Variants in NRG1 observed in about 807,000 individuals in gnomAD.
NRG1 encodes the protein neuregulin 1.
NRG1 carries 18 observed loss-of-function variants against 63.8 expected under a neutral mutation model. That is an observed-to-expected ratio of 0.28 (90% CI 0.19 to 0.42). NRG1 has a LOEUF of 0.42. NRG1 is among the 10% of genes least tolerant of loss of function. The probability of loss-of-function intolerance (pLI) is 1.00; values close to 1 mark genes in which losing one functional copy is unlikely to be tolerated. For missense variants in NRG1, 762 were observed against 814.7 expected, an observed-to-expected ratio of 0.94 and a Z score of 0.79; for synonymous variants, 302 against 301.3, an observed-to-expected ratio of 1.00 and a Z score of -0.02.
chr8:31,907,738 A>C (rs1832645021), intron 1 of NRG1, among the ~76,000 whole-genome samples: 1 of 152,134 alleles, frequency 6.6e-6, no homozygotes, highest in African/African-American at 2.4e-5. Flanking sequence ...GTGATACGAA[A>C]ATTATTAAAC....
rs1180619276 is a variant in NRG1 at position 32,534,616 on chromosome 8, TTGGCTTTTATTGGCTATTTA to T, written c.38-61197_38-61178del. ...CCACAGAACGGTGATGTTGAAATAC[TTGGCTTTTATTGGCTATTTA>T]TGGCTTTTATTGGCATATTAATGTC... is the stretch of plus-strand genomic sequence containing the variant. On this transcript the variant is annotated intron_variant, in intron 1 of 10. Transcript: ENST00000519301. Among the ~76,000 whole-genome samples, 3 of 152,158 alleles carry T rather than the reference TTGGCTTTTATTGGCTATTTA, an allele frequency of 2.0e-5. No homozygotes were observed. The East Asian group carries it at 5.8e-4, about 29-fold the overall frequency.
chr8:32,115,778 CAGAT>C (rs972380450), intron 1 of NRG1, among the ~76,000 whole-genome samples: 7 of 152,212 alleles, frequency 4.6e-5, no homozygotes, highest in South Asian at 2.1e-4. Flanking sequence ...GCTGAGAAAA[CAGAT>C]AGAGAAGGCA....
intron 1 of NRG1, among the ~76,000 whole-genome samples, chr8:31,859,966 C>T (rs903516572): frequency 6.6e-6 from 1 of 152,180 alleles, no homozygotes; most frequent in Non-Finnish European, 1.5e-5. Flanking sequence ...AGAAACAACC[C>T]CCTCTAGCAA....
chr8:31,803,587 T>A (rs1461376588), intron 1 of NRG1, among the ~76,000 whole-genome samples: 3 of 152,230 alleles, frequency 2.0e-5, no homozygotes, highest in Non-Finnish European at 1.5e-5. Context: ...ATGCCTTGAA[T>A]GTAAATAATC....
chr8:32,063,372 C>T (rs1824198636), intron 1 of NRG1: 1 of 152,096 alleles, frequency 6.6e-6, no homozygotes, highest in Admixed American at 6.6e-5. Context: ...AATTATTTGT[C>T]TGACCAATGC....
chr8:32,666,332 G>A (rs1483263522), intron 5 of NRG1, among the ~76,000 whole-genome samples: 1 of 152,120 alleles, frequency 6.6e-6, no homozygotes, highest in African/African-American at 2.4e-5. Flanking sequence ...GCCCTATGAG[G>A]CCCTCCTTGT....
At chr8:32,358,027 G>A (rs1806685631) in intron 1 of NRG1, among the ~76,000 whole-genome samples, 1 of 152,088 alleles carries the variant, frequency 6.6e-6, no homozygotes. Context: ...ACTAAGTTCT[G>A]TCCAATAAGA....
chr8:32,326,637 C>T (rs886363319), intron 1 of NRG1, among the ~76,000 whole-genome samples: 4 of 151,930 alleles, frequency 2.6e-5, no homozygotes, highest in African/African-American at 9.7e-5. Context: ...CCAGCCATCA[C>T]ATTTTTAGAT....
At chr8:32,341,040 GAC>G (rs1162028240) in intron 1 of NRG1, among the ~76,000 whole-genome samples, 4 of 152,138 alleles carry the variant, frequency 2.6e-5, no homozygotes, top group Admixed American at 2.0e-4. Flanking sequence ...TATTGTTATT[GAC>G]AATAACGAAA....
chr8:32,766,446 A>C (rs1425802546), exon 12 of NRG1: 1 of 152,202 alleles, frequency 6.6e-6, no homozygotes, highest in Non-Finnish European at 1.5e-5. Context: ...GAAGACAGTC[A>C]GTCCAATGAA....
At chr8:32,306,464 C>T (rs1378890502) in intron 1 of NRG1, among the ~76,000 whole-genome samples, 1 of 152,168 alleles carries the variant, frequency 6.6e-6, no homozygotes, top group African/African-American at 2.4e-5. Context: ...TAGTGAGTTA[C>T]CAGCTGGGTA....
At chr8:32,648,013 T>G (rs1345219069) in intron 5 of NRG1, 5 of 1,613,992 alleles carry the variant, frequency 3.1e-6, no homozygotes, top group Non-Finnish European at 4.2e-6. Flanking sequence ...AAGTGGGTAT[T>G]TGTGGACAAG....
At chr8:32,287,629 A>G (rs922894954) in intron 1 of NRG1, 4 of 152,258 alleles carry the variant, frequency 2.6e-5, no homozygotes, top group African/African-American at 9.6e-5. Context: ...TTCATCAAGC[A>G]TTCGCCAGTT....
chr8:32,342,548 A>G (rs1804205988), intron 1 of NRG1, among the ~76,000 whole-genome samples: 1 of 152,226 alleles, frequency 6.6e-6, no homozygotes, highest in African/African-American at 2.4e-5. Flanking sequence ...GGATAGAGCC[A>G]GAGTCCACAA....
chr8:32,124,836 G>T (rs1337743143), intron 1 of NRG1, among the ~76,000 whole-genome samples: 1 of 151,826 alleles, frequency 6.6e-6, no homozygotes, highest in Non-Finnish European at 1.5e-5. Flanking sequence ...TGCTTTACCT[G>T]CATTGCCTCA....
chr8:32,056,699 A>G (rs772938050), intron 1 of NRG1, among the ~76,000 whole-genome samples: 3 of 152,110 alleles, frequency 2.0e-5, no homozygotes, highest in Admixed American at 6.6e-5. Flanking sequence ...AAATACCTCT[A>G]TTTCTTCACT....
At position 31,819,914 on chromosome 8, in the gene NRG1, T is replaced by G. The variant is rs558726052; in HGVS notation, c.37+180483T>G. Among the ~76,000 whole-genome samples, 268 of 152,336 alleles carry G rather than the reference T, an allele frequency of 1.8e-3. 1 individual carries two copies. The highest frequency in any genetic ancestry group is 6.1e-3 in the African/African-American group (253 of 41,584). On this transcript the variant is annotated intron_variant, in intron 1 of 10. Transcript: ENST00000519301. ...TGTTGAATCTTTACAGTTCGACTCA[T>G]TATTCAAATTCTTCATCTTTACATC...
At chr8:31,721,873 A>C (rs547861396) in intron 1 of NRG1, among the ~76,000 whole-genome samples, 7 of 152,128 alleles carry the variant, frequency 4.6e-5, no homozygotes, top group Admixed American at 1.3e-4. Flanking sequence ...CTTACTAAAT[A>C]TTCCTTGTTG....
chr8:32,355,145 A>C (rs1806197571), intron 1 of NRG1, among the ~76,000 whole-genome samples: 1 of 152,188 alleles, frequency 6.6e-6, no homozygotes, highest in Non-Finnish European at 1.5e-5. Flanking sequence ...GTTTACATCA[A>C]AACAAATTAC....
Sources: gnomAD v4.1 joint callset for allele counts (sites outside exome capture counted in the v4.1 genomes callset) on GRCh38, gnomAD v4.1.1 for gene constraint, MANE v1.5 for transcripts, NCBI Gene and HGNC (gene_info 2026-07-23, HGNC 2026-07-21) for gene names.